The following NFXL1 variants were observed in gnomAD, a reference collection of about 807,000 sequenced individuals.
NFXL1 encodes nuclear transcription factor, X-box binding like 1, also known as NF-X1-type zinc finger protein NFXL1.
Under a neutral mutation model 123.3 loss-of-function variants are expected in NFXL1, and 66 were observed. The observed-to-expected ratio is 0.54, with a 90% CI of 0.44 to 0.66. The LOEUF (loss-of-function observed/expected upper bound fraction) is 0.66, where lower values mean the gene tolerates loss of function less well. Among genes scored for constraint, NFXL1 ranks in the 30% least tolerant of loss-of-function variants. The probability of loss-of-function intolerance (pLI) is 0.00; values close to 1 mark genes in which losing one functional copy is unlikely to be tolerated. For synonymous variants in NFXL1, 346 were observed against 360.8 expected, an observed-to-expected ratio of 0.96 and a Z score of 0.46; for missense variants, 944 against 1,125.6, an observed-to-expected ratio of 0.84 and a Z score of 2.31.
chr4:47,906,998 A>C (rs1462718596), intron 3 of NFXL1, among the ~76,000 whole-genome samples: 1 of 152,210 alleles, frequency 6.6e-6, no homozygotes, highest in East Asian at 1.9e-4. Context: ...CAAGTTACCT[A>C]ATGTGTCTCA....
chr4:47,885,417 T>C (rs1288647720), intron 14 of NFXL1, 81 bp downstream of exon 14: 2 of 1,128,036 alleles, frequency 1.8e-6, no homozygotes, highest in Non-Finnish European at 2.6e-6. Context: ...GCTTAATCAT[T>C]GCTCATTGAA....
intron 21 of NFXL1, among the ~76,000 whole-genome samples, chr4:47,851,550 A>T (rs949948446): frequency 2.0e-5 from 3 of 152,214 alleles, no homozygotes; most frequent in South Asian, 4.1e-4. Context: ...CATGGAAGGG[A>T]ATCCTTACTT....
At position 47,893,057 on chromosome 4, in the gene NFXL1, GAA is replaced by G. The variant is rs1467823993; in HGVS notation, c.1452+1121_1452+1122del. Among the ~76,000 whole-genome samples, 4 of 152,174 alleles carry G rather than the reference GAA, an allele frequency of 2.6e-5. No homozygotes were observed. In the East Asian group the frequency reaches 7.7e-4, roughly 29 times the overall value. On this transcript the variant is annotated intron_variant, in intron 11 of 22. Coordinates refer to ENST00000507489, the MANE Select transcript of NFXL1 (RefSeq NM_001278624.2). ...AGACCCAAATCCAACTTCTAGAGATGAAAATACACAACTTCTCAGATGAAAAA... is the reference window on the plus strand; with the variant it reads ...AGACCCAAATCCAACTTCTAGAGATGAATACACAACTTCTCAGATGAAAAA...
At chr4:47,877,123 A>T (rs553540739) in intron 17 of NFXL1, 9 of 641,762 alleles carry the variant, frequency 1.4e-5, no homozygotes, top group Non-Finnish European at 2.0e-5. Flanking sequence ...GATCAGGCAC[A>T]GTACTTTCTG....
At chr4:47,903,934 T>C (rs1164200563) in intron 4 of NFXL1, among the ~76,000 whole-genome samples, 2 of 152,264 alleles carry the variant, frequency 1.3e-5, no homozygotes, top group Admixed American at 1.3e-4. Context: ...TTTTAAAACC[T>C]GCCAAACACT....
intron 18 of NFXL1, among the ~76,000 whole-genome samples, chr4:47,864,790 A>G (rs1734957757): frequency 6.6e-6 from 1 of 152,190 alleles, no homozygotes; most frequent in South Asian, 2.1e-4. Context: ...ACCTCACTCT[A>G]TGTATCTCTT....
At chr4:47,903,080 A>C (rs1737416550) in intron 5 of NFXL1, 113 bp downstream of exon 5, 3 of 540,072 alleles carry the variant, frequency 5.6e-6, no homozygotes, top group Admixed American at 3.6e-5. Context: ...TCTTGAACCC[A>C]GGAGGTGGAG....
chr4:47,899,975 C>T (rs1737292168), intron 5 of NFXL1, among the ~76,000 whole-genome samples: 1 of 152,176 alleles, frequency 6.6e-6, no homozygotes, highest in Admixed American at 6.5e-5. Context: ...CTACTAACCA[C>T]CTGAACTTTA....
intron 18 of NFXL1, among the ~76,000 whole-genome samples, chr4:47,865,757 G>A (rs544869141): frequency 5.6e-5 from 8 of 143,628 alleles, no homozygotes; most frequent in Non-Finnish European, 1.2e-4. Flanking sequence ...TTCGGAGGCC[G>A]AGGAAGGTGA....
chr4:47,911,100 G>C, intron 2 of NFXL1, 106 bp from the exon 3 acceptor site: 1 of 615,596 alleles, frequency 1.6e-6, no homozygotes. Context: ...GTCACCTTTG[G>C]AGCATTCTAC....
intron 4 of NFXL1, among the ~76,000 whole-genome samples, chr4:47,904,671 T>C (rs911428267): frequency 6.6e-6 from 1 of 152,234 alleles, no homozygotes; most frequent in African/African-American, 2.4e-5. Flanking sequence ...TGTTGAGTCT[T>C]TCACATTCAG....
intron 2 of NFXL1, among the ~76,000 whole-genome samples, chr4:47,911,849 T>G (rs1345783493): frequency 6.6e-6 from 1 of 152,346 alleles, no homozygotes; most frequent in South Asian, 2.1e-4. Flanking sequence ...TAAGTGTTAA[T>G]AAGCTCTTAC....
rs1387286936 is a variant in NFXL1, at chr4:47,888,692, ACTCAG to A, written c.1543+1916_1543+1920del. Among the ~76,000 whole-genome samples, 1,283 of 152,284 alleles carry A rather than the reference ACTCAG, an allele frequency of 8.4e-3. 22 individuals carry two copies. Among genetic ancestry groups the A allele is most frequent in the African/African-American group, 0.03 (1,246 of 41,568 alleles). The stretch of plus-strand genomic sequence containing the variant: ...ATACCACAGAGATGCAATCTGCAAA[ACTCAG>A]ACTCTGAGAAACTAAATAAAGCAAC... On this transcript the variant is annotated intron_variant, in intron 12 of 22. Transcript: ENST00000507489.
chr4:47,859,938 T>C (rs1734658708), intron 19 of NFXL1, among the ~76,000 whole-genome samples: 1 of 145,884 alleles, frequency 6.9e-6, no homozygotes, highest in Non-Finnish European at 1.5e-5. Context: ...AAAACTGAAC[T>C]CGTAGAAGTG....
In NFXL1 at chr4:47,899,407, A is replaced by T; in HGVS notation, c.789T>A (p.Pro263=). 6.2e-7 allele frequency: 1 copy of T among 1,613,964 alleles called. No individual in the cohort carries two copies. Among genetic ancestry groups the T allele is most frequent in the South Asian group, 1.1e-5 (1 of 91,068 alleles). ...GGAGTAAACATTTATGGCCACAAGG[A>T]GGTTTAAATTCACGCTCACATACTT... is the stretch of plus-strand genomic sequence containing the variant. The part of the protein sequence containing the change: ...CGQVCEREFK[P]PCGHKCLLLC... Residue 263 remains proline, a synonymous_variant, in exon 6 of 23, where the codon CCT becomes CCA. Coordinates refer to ENST00000507489, the MANE Select transcript of NFXL1 (RefSeq NM_001278624.2).
At chr4:47,875,037 G>T in intron 18 of NFXL1, 90 bp downstream of exon 18, 1 of 796,182 alleles carries the variant, frequency 1.3e-6, no homozygotes, top group Non-Finnish European at 1.9e-6. Flanking sequence ...TAGAGTTTAA[G>T]CAAAGTACAC....
intron 22 of NFXL1, among the ~76,000 whole-genome samples, chr4:47,850,044 T>C (rs888794326): frequency 6.6e-6 from 1 of 152,056 alleles, no homozygotes; most frequent in Admixed American, 6.6e-5. Context: ...TAAGGACTGA[T>C]TATATTCTGT....
intron 20 of NFXL1, among the ~76,000 whole-genome samples, chr4:47,853,139 T>TA (rs1734219373): frequency 1.3e-5 from 2 of 152,132 alleles, no homozygotes; most frequent in Admixed American, 1.3e-4. Context: ...AAGAGGATTT[T>TA]ATCTTTTCTC....
intron 3 of NFXL1, among the ~76,000 whole-genome samples, chr4:47,909,704 G>C (rs976027874): frequency 4.0e-5 from 6 of 150,646 alleles, no homozygotes; most frequent in African/African-American, 1.5e-4. Flanking sequence ...TGTCTCCCAG[G>C]CTGGAGTGCA....
Sources: allele counts gnomAD v4.1 joint callset (sites outside exome capture counted in the v4.1 genomes callset), GRCh38; gene constraint gnomAD v4.1.1; transcripts MANE v1.5; gene names NCBI Gene and HGNC (gene_info 2026-07-23, HGNC 2026-07-21).